The following LIPA variants were observed in gnomAD, a reference collection of about 807,000 sequenced individuals.
The protein encoded by LIPA is lipase A, lysosomal acid type, also known as lysosomal acid lipase/cholesteryl ester hydrolase.
A neutral mutation model predicts 40.6 loss-of-function variants in LIPA; 26 were observed. The observed-to-expected ratio is 0.64, with a 90% CI of 0.47 to 0.89. The LOEUF (loss-of-function observed/expected upper bound fraction) is 0.89. Among genes scored for constraint, LIPA ranks in the 40% least tolerant of loss-of-function variants. The pLI is 0.00. For missense variants in LIPA, 455 were observed against 479.6 expected (o/e 0.95, Z 0.48); for synonymous variants, 188 against 168.4 (o/e 1.12, Z -0.90).
intron 1 of LIPA, among the ~76,000 whole-genome samples, chr10:89,303,861 C>T (rs549612789): frequency 2.6e-5 from 4 of 152,268 alleles, no homozygotes; most frequent in East Asian, 1.9e-4. Context: ...TGTTAGGATG[C>T]GTGCTGCACA....
upstream of LIPA, among the ~76,000 whole-genome samples, chr10:89,255,981 C>T (rs1394321227): frequency 6.6e-6 from 1 of 152,176 alleles, no homozygotes; most frequent in East Asian, 1.9e-4. Context: ...AAGTGTCATA[C>T]CATAGACCAG....
chr10:89,241,560 A>G (rs962016352), intron 3 of LIPA, among the ~76,000 whole-genome samples: 1 of 152,116 alleles, frequency 6.6e-6, no homozygotes, highest in African/African-American at 2.4e-5. Context: ...CAATCAAAGC[A>G]AAATACAAGC....
At chr10:89,330,737 T>A (rs2133541010) in intron 1 of LIPA, among the ~76,000 whole-genome samples, 1 of 107,522 alleles carries the variant, frequency 9.3e-6, no homozygotes, top group East Asian at 4.6e-4. Context: ...TCCTGTGGTT[T>A]TCTTCCCTTC....
At chr10:89,322,583 G>A (rs527311822) in intron 1 of LIPA, among the ~76,000 whole-genome samples, 111 of 118,176 alleles carry the variant, frequency 9.4e-4, no homozygotes, top group African/African-American at 3.6e-3. Context: ...CCCCACCACC[G>A]TGCTTCTAGA....
chr10:89,328,241 T>C (rs1238205662), intron 1 of LIPA, among the ~76,000 whole-genome samples: 1 of 152,236 alleles, frequency 6.6e-6, no homozygotes, highest in Non-Finnish European at 1.5e-5. Flanking sequence ...TTTTTCCCTG[T>C]GGCTTTTTTT....
At chr10:89,349,658 TG>T (rs971263039) in intron 2 of LIPA, among the ~76,000 whole-genome samples, 6 of 152,184 alleles carry the variant, frequency 3.9e-5, no homozygotes, top group African/African-American at 1.4e-4. Flanking sequence ...AGTCTCAAGA[TG>T]GGGAGAGTCC....
intron 2 of LIPA, among the ~76,000 whole-genome samples, chr10:89,367,729 T>C (rs1467853233): frequency 6.6e-6 from 1 of 152,184 alleles, no homozygotes; most frequent in East Asian, 1.9e-4. Flanking sequence ...ACTGTGACTG[T>C]GAGTTTTGAG....
rs377588926 is a variant in LIPA at position 89,306,749 on chromosome 10, A to G, written c.-2+35862T>C. 27 of 1,614,048 alleles carry G rather than the reference A, an allele frequency of 1.7e-5. No homozygotes were observed. The African/African-American group carries it at 3.6e-4, about 22-fold the overall frequency. On this transcript the variant is annotated intron_variant, in intron 1 of 5. Coordinates refer to the LIPA transcript ENST00000282673. ...TTATCGAAGAAAAGATGAGCCAGAC[A>G]AAGCGATTGAACTGCTTAAAAAGGC...
chr10:89,331,747 G>A (rs1009846955), intron 1 of LIPA, among the ~76,000 whole-genome samples: 4 of 150,340 alleles, frequency 2.7e-5, no homozygotes, highest in African/African-American at 7.3e-5. Flanking sequence ...TAGTCTCATT[G>A]ACTGGAGAGG....
intron 1 of LIPA, among the ~76,000 whole-genome samples, chr10:89,290,069 T>C (rs1176884774): frequency 6.6e-6 from 1 of 151,868 alleles, no homozygotes; most frequent in Admixed American, 6.6e-5. Flanking sequence ...GCCTGGTATA[T>C]GACAACAATA....
At chr10:89,377,869 T>G (rs115500367) in intron 2 of LIPA, among the ~76,000 whole-genome samples, 330 of 152,328 alleles carry the variant, frequency 2.2e-3, no homozygotes, top group African/African-American at 7.5e-3. Context: ...AATTTGCGTA[T>G]CAAAACTGCT....
chr10:89,347,759 A>G (rs1843932160), intron 2 of LIPA, among the ~76,000 whole-genome samples: 1 of 152,118 alleles, frequency 6.6e-6, no homozygotes, highest in Admixed American at 6.5e-5. Context: ...TCTATATTAA[A>G]CTTTTAACCT....
chr10:89,235,967 T>C lies in LIPA; in HGVS notation c.230-7569A>G, dbSNP rs11203045. Among the ~76,000 whole-genome samples the C allele has an allele frequency of 2.5e-4, 38 of 152,300 alleles. 1 individual carries two copies. In the East Asian group the frequency reaches 6.9e-3, roughly 28 times the overall value. ...GGTTTGAACTGCACAGGTCCACTCA[T>C]ACATGGATTTTTTTTCAATAAACAT... is the stretch of plus-strand genomic sequence containing the variant. On this transcript the variant is annotated intron_variant, in intron 3 of 9. Transcript: ENST00000336233.
chr10:89,375,925 C>T (rs941900081), intron 2 of LIPA, among the ~76,000 whole-genome samples: 1 of 152,076 alleles, frequency 6.6e-6, no homozygotes, highest in Non-Finnish European at 1.5e-5. Flanking sequence ...CAGTGGCTCA[C>T]ACCTGTAATC....
chr10:89,394,681 C>T (rs967346453), intron 2 of LIPA, among the ~76,000 whole-genome samples: 83 of 144,530 alleles, frequency 5.7e-4, no homozygotes, highest in African/African-American at 2.1e-3. Context: ...TGATAAAATA[C>T]ATGTAAAATA....
At chr10:89,263,543 T>C (rs1843220860) in intron 1 of LIPA, among the ~76,000 whole-genome samples, 1 of 152,222 alleles carries the variant, frequency 6.6e-6, no homozygotes. Context: ...GCAAAAGCAA[T>C]ACAAAACCTA....
chr10:89,367,327 T>TA (rs905204694), intron 2 of LIPA, among the ~76,000 whole-genome samples: 9 of 151,096 alleles, frequency 6.0e-5, no homozygotes, highest in East Asian at 3.9e-4. Flanking sequence ...GTATAATAAT[T>TA]AAAAAAAAAG....
rs547661839 is a variant in LIPA at position 89,270,260 on chromosome 10, A to G, written c.-1-22611T>C. ...GCCAGAAATCCACCTTCATTGTCCC[A>G]TTTTAGGGATATGTAATTCTCCAGA... On this transcript the variant is annotated intron_variant, in intron 1 of 5. Transcript: ENST00000282673. Among the ~76,000 whole-genome samples the G allele has an allele frequency of 8.5e-5, 13 of 152,296 alleles. No individual in the cohort carries two copies. In the South Asian group the frequency reaches 1.9e-3, roughly 22 times the overall value.
intron 1 of LIPA, among the ~76,000 whole-genome samples, chr10:89,275,471 C>T (rs1484611965): frequency 6.6e-6 from 1 of 152,180 alleles, no homozygotes; most frequent in Non-Finnish European, 1.5e-5. Context: ...CTTGTCCTGC[C>T]CACTGGACAT....
Sources: allele counts gnomAD v4.1 joint callset (sites outside exome capture counted in the v4.1 genomes callset), GRCh38; gene constraint gnomAD v4.1.1; transcripts MANE v1.5; gene names NCBI Gene and HGNC (gene_info 2026-07-23, HGNC 2026-07-21).